Variants in SPAG7 observed in about 807,000 individuals in gnomAD.
SPAG7 encodes sperm-associated antigen 7.
In SPAG7, 20 loss-of-function variants were observed where a neutral mutation model predicts 30.6. The ratio of observed to expected loss-of-function variants is 0.65; its 90% CI spans 0.46 to 0.95. SPAG7 has a LOEUF of 0.95. SPAG7 is among the 40% of genes least tolerant of loss of function. SPAG7 has a pLI of 0.00. For missense variants in SPAG7, 276 were observed against 291.1 expected (o/e 0.95, Z 0.38); for synonymous variants, 127 against 104.2 (o/e 1.22, Z -1.33).
chr17:4,960,706 A>G (rs2151147266), intron 2 of SPAG7, 80 bp downstream of exon 2: 1 of 1,487,752 alleles, frequency 6.7e-7, no homozygotes, highest in South Asian at 1.1e-5. Context: ...TTTTCAGCAA[A>G]ACTGAGTCCT....
chr17:4,967,161 G>A (rs1971971138), intron 1 of SPAG7: 2 of 986,506 alleles, frequency 2.0e-6, no homozygotes, highest in Non-Finnish European at 2.4e-6. Flanking sequence ...TAAGGCTACG[G>A]ATGGGAAAAA....
chr17:4,965,296 G>C (rs776150851), intron 1 of SPAG7, among the ~76,000 whole-genome samples: 4 of 152,066 alleles, frequency 2.6e-5, no homozygotes, highest in Non-Finnish European at 5.9e-5. Flanking sequence ...TGATCTGCCC[G>C]CCTCAGCCTC....
chr17:4,960,337 G>A lies in SPAG7; in HGVS notation c.243-19C>T. 2 of 1,613,328 alleles carry A rather than the reference G, an allele frequency of 1.2e-6. No individual in the cohort carries two copies. The highest frequency in any genetic ancestry group is 1.7e-6 in the Non-Finnish European group (2 of 1,179,232). ...ATCATGTCTGGGATGGGATGGCAGA[G>A]GGGAAAGAGCATCTTGAGCCAGGAG... is the stretch of plus-strand genomic sequence containing the variant. On this transcript the variant is annotated intron_variant, in intron 3 of 6. Transcript: ENST00000206020.
At position 4,967,793 on chromosome 17, in the gene SPAG7, T is replaced by G; in HGVS notation, c.12A>C (p.Leu4=). MAD[L]LGSILSSMEK... ...CCATGGAGCTCAGGATGGAGCCCAG[T>G]AGGTCCGCCATCTTGGGAGTGACTG... is the stretch of plus-strand genomic sequence containing the variant. Residue 4 remains leucine (L), a synonymous_variant, in exon 1 of 7, where the codon CTA becomes CTC. Transcript: ENST00000206020. The G allele has an allele frequency of 7.4e-6, 12 of 1,613,644 alleles. No individual in the cohort carries two copies. Among genetic ancestry groups the G allele is most frequent in the Non-Finnish European group, 9.3e-6 (11 of 1,179,650 alleles).
Position 4,959,423 on chromosome 17 carries a change from G to C in SPAG7, c.*111C>G. ...TTTTCCCCCAGCCTGAGGGACAGCT[G>C]GTAGGAGGTGGTTCAGAGGTGGGGC... On this transcript the variant is annotated 3_prime_UTR_variant, in exon 7 of 7. Transcript: ENST00000206020. The C allele has an allele frequency of 1.3e-6, 1 of 793,514 alleles. No homozygotes were observed. Among genetic ancestry groups the C allele is most frequent in the African/African-American group, 1.7e-5 (1 of 58,714 alleles). 49.2% of individuals were successfully genotyped at this position (793,514 alleles called of 1,614,324 possible). A position where few individuals can be genotyped will look rare whatever the true frequency, so the allele number is the denominator to read the frequency against.
At position 4,959,341 on chromosome 17, in the gene SPAG7, A is replaced by T. The variant is rs878933902; in HGVS notation, c.*193T>A. ...CACCTGTGCATTCACACTCTCACAC[A>T]CACACACACATGCCACGCACATATC... On this transcript the variant is annotated 3_prime_UTR_variant, in exon 7 of 7. Transcript: ENST00000206020. 1.3e-5 allele frequency: 8 copies of T among 600,528 alleles called. No individual in the cohort carries two copies. The South Asian group carries it at 1.6e-4, about 12-fold the overall frequency. 37.2% of individuals were successfully genotyped at this position (600,528 alleles called of 1,614,324 possible).
Position 4,960,496 on chromosome 17 carries a change from T to C in SPAG7, c.205A>G (p.Lys69Glu), listed in dbSNP as rs1971844188. 1.2e-6 allele frequency: 2 copies of C among 1,601,534 alleles called. No individual in the cohort carries two copies. Among genetic ancestry groups the C allele is most frequent in the Non-Finnish European group, 1.7e-6 (2 of 1,176,600 alleles). The stretch of plus-strand genomic sequence containing the variant: ...TCGATCTTGTTCATTGGCTGAAACT[T>C]TTTCTTGATCTGCCCACTGTCTTGA... Reference protein sequence around the residue: ...FIQDSGQIKKKFQPMNKIERS... With the variant: ...FIQDSGQIKKEFQPMNKIERS... Residue 69 changes from lysine (K) to glutamate (E), a missense_variant, in exon 3 of 7, where the codon AAG (lysine) becomes GAG (glutamate). Transcript: ENST00000206020.
At position 4,959,524 on chromosome 17, in the gene SPAG7, G is replaced by C. The variant is rs914788084; in HGVS notation, c.*10C>G. 2 of 1,609,372 alleles carry C rather than the reference G, an allele frequency of 1.2e-6. No homozygotes were observed. The highest frequency in any genetic ancestry group is 1.7e-6 in the Non-Finnish European group (2 of 1,178,106). ...CTGCCCCAGGGGTCAAAGGGAGCTG[G>C]GCGGGGCGCCTAGGAGGTTGGCGGC... On this transcript the variant is annotated 3_prime_UTR_variant, in exon 7 of 7. Transcript: ENST00000206020.
chr17:4,960,296 C>G lies in SPAG7; in HGVS notation c.265G>C (p.Gly89Arg), dbSNP rs772163068. The part of the protein sequence containing the change: ...SILHDVVEVA[G>R]LTSFSFGEDD... The stretch of plus-strand genomic sequence containing the variant: ...TCCCCAAAGGAGAAGGATGTCAGGC[C>G]AGCCACTTCCACCACATCATGTCTG... Residue 89 changes from glycine (G) to arginine (R), a missense_variant, in exon 4 of 7, where the codon GGC becomes CGC. Transcript: ENST00000206020. 105 of 1,614,058 alleles carry G rather than the reference C, an allele frequency of 6.5e-5. No individual in the cohort carries two copies. The highest frequency in any genetic ancestry group is 8.3e-5 in the Non-Finnish European group (98 of 1,180,010).
chr17:4,964,302 T>G (rs1247983993), intron 1 of SPAG7, among the ~76,000 whole-genome samples: 1 of 150,186 alleles, frequency 6.7e-6, no homozygotes, highest in Non-Finnish European at 1.5e-5. Flanking sequence ...TTCTTCCTAC[T>G]CCTGCTCCTC....
intron 1 of SPAG7, chr17:4,966,893 C>G (rs898858863): frequency 5.1e-6 from 5 of 985,544 alleles, no homozygotes; most frequent in Non-Finnish European, 6.0e-6. Flanking sequence ...TGGGACAGGG[C>G]TCGTCCGTGG....
chr17:4,959,554 C>G lies in SPAG7; in HGVS notation c.664G>C (p.Glu222Gln), dbSNP rs1158478427. The part of the protein sequence containing the change: ...AKKRLRQSGE[E>Q]LPPTS The stretch of plus-strand genomic sequence containing the variant: ...GGCGCCTAGGAGGTTGGCGGCAACT[C>G]TTCCCCACTCTGCCGCAGACGCTTC... The change falls in exon 7 of 7, where the codon GAG becomes CAG. Residue 222 changes from glutamate to glutamine, a missense_variant. By Grantham distance (29) the Glu-to-Gln change is conservative. Coordinates refer to ENST00000206020, the MANE Select transcript of SPAG7 (RefSeq NM_004890.3). The G allele has an allele frequency of 6.2e-7, 1 of 1,613,626 alleles. No homozygotes were observed. The highest frequency in any genetic ancestry group is 8.5e-7 in the Non-Finnish European group (1 of 1,179,898).
At chr17:4,962,766 T>C (rs900313368) in intron 1 of SPAG7, among the ~76,000 whole-genome samples, 3 of 151,960 alleles carry the variant, frequency 2.0e-5, no homozygotes, top group African/African-American at 7.3e-5. Context: ...GTCAGGTTGG[T>C]CTCGAACTCC....
chr17:4,959,650 G>A lies in SPAG7; in HGVS notation c.575-7C>T, dbSNP rs769128969. On this transcript the variant is annotated splice_polypyrimidine_tract_variant and splice_region_variant and intron_variant, in intron 6 of 6. Transcript: ENST00000206020. ...CTCTTATTGGCCACGGGCACTAGGGGCAGAGAGGAGGGTAGGGCGGGCCTA... is the reference window on the plus strand; with the variant it reads ...CTCTTATTGGCCACGGGCACTAGGGACAGAGAGGAGGGTAGGGCGGGCCTA... The A allele has an allele frequency of 1.2e-6, 2 of 1,613,548 alleles. No individual in the cohort carries two copies. The highest frequency in any genetic ancestry group is 3.3e-5 in the Admixed American group (2 of 60,022).
At chr17:4,960,143 C>T (rs1384258673) in intron 4 of SPAG7, 32 bp from the exon 5 acceptor site, 2 of 1,603,298 alleles carry the variant, frequency 1.2e-6, no homozygotes, top group South Asian at 2.2e-5. Context: ...GGGTCAGAGT[C>T]CATACAAATG....
At chr17:4,959,719 T>C in intron 6 of SPAG7, 41 bp downstream of exon 6, 2 of 1,614,090 alleles carry the variant, frequency 1.2e-6, no homozygotes, top group Non-Finnish European at 1.7e-6. Flanking sequence ...CCGCATCCTA[T>C]GCTCCTCTCC....
chr17:4,959,335 T>TCACA lies in SPAG7; in HGVS notation c.*195_*198dup, dbSNP rs752274033. On this transcript the variant is annotated 3_prime_UTR_variant, in exon 7 of 7. Coordinates refer to ENST00000206020, the MANE Select transcript of SPAG7 (RefSeq NM_004890.3). ...AATACCCACCTGTGCATTCACACTC[T>TCACA]CACACACACACACACATGCCACGCA... 5.7e-5 allele frequency: 32 copies of TCACA among 564,990 alleles called. No individual in the cohort carries two copies. The highest frequency in any genetic ancestry group is 2.0e-4 in the South Asian group (9 of 46,074). The allele number at this position is 564,990 out of a possible 1,614,324, so 35.0% of individuals were successfully genotyped here. A position where few individuals can be genotyped will look rare whatever the true frequency, so the allele number is the denominator to read the frequency against.
At chr17:4,962,328 G>A (rs1170711713) in intron 1 of SPAG7, among the ~76,000 whole-genome samples, 4 of 152,158 alleles carry the variant, frequency 2.6e-5, no homozygotes, top group African/African-American at 9.7e-5. Flanking sequence ...TGGCCAGGCT[G>A]GTCTTGAACT....
chr17:4,967,700 T>G lies in SPAG7; in HGVS notation c.85+20A>C. ...CGAGAACCGGGCGAAGGAAGGCGGTTGTGAATTTGGGATCCTCACCTCGGG... is the reference window on the plus strand; with the variant it reads ...CGAGAACCGGGCGAAGGAAGGCGGTGGTGAATTTGGGATCCTCACCTCGGG... On this transcript the variant is annotated intron_variant, in intron 1 of 6. Transcript: ENST00000206020. 2 of 1,596,924 alleles carry G rather than the reference T, an allele frequency of 1.3e-6. No individual in the cohort carries two copies. The highest frequency in any genetic ancestry group is 1.7e-6 in the Non-Finnish European group (2 of 1,164,632).
Sources: allele counts gnomAD v4.1 joint callset (sites outside exome capture counted in the v4.1 genomes callset), GRCh38; gene constraint gnomAD v4.1.1; transcripts MANE v1.5; gene names NCBI Gene and HGNC (gene_info 2026-07-23, HGNC 2026-07-21).